Variants in CAMK2D observed in about 807,000 individuals in gnomAD.
CAMK2D encodes the protein calcium/calmodulin-dependent protein kinase type II subunit delta.
A neutral mutation model predicts 84.0 loss-of-function variants in CAMK2D; 37 were observed. The observed-to-expected ratio is 0.44, with a 90% CI of 0.34 to 0.58. The LOEUF (loss-of-function observed/expected upper bound fraction) is 0.58, where lower values mean the gene tolerates loss of function less well. Ranked by LOEUF, CAMK2D falls within the 20% of genes least tolerant of loss-of-function variation. CAMK2D has a pLI of 0.02. For synonymous variants in CAMK2D, 202 were observed against 212.5 expected (o/e 0.95, Z 0.43); for missense variants, 448 against 652.5 (o/e 0.69, Z 3.41).
intron 17 of CAMK2D, among the ~76,000 whole-genome samples, chr4:113,464,006 T>TA (rs2097425715): frequency 6.6e-6 from 1 of 152,218 alleles, no homozygotes; most frequent in African/African-American, 2.4e-5. Context: ...TTCAGGTATA[T>TA]AATAACAGAT....
intron 19 of CAMK2D, 182 bp downstream of exon 19, chr4:113,457,153 A>G (rs2097312618): frequency 2.0e-5 from 29 of 1,428,770 alleles, no homozygotes; most frequent in Non-Finnish European, 2.6e-5. Context: ...CAACCCACAA[A>G]TGGCTGATCT....
intron 6 of CAMK2D, among the ~76,000 whole-genome samples, chr4:113,542,747 C>T (rs1043292637): frequency 6.6e-6 from 1 of 151,946 alleles, no homozygotes; most frequent in African/African-American, 2.4e-5. Context: ...AAGTACTTCT[C>T]ATCTCCCCCC....
At chr4:113,552,121 C>G in intron 4 of CAMK2D, 25 bp from the exon 5 acceptor site, 1 of 1,400,170 alleles carries the variant, frequency 7.1e-7, no homozygotes, top group African/African-American at 1.4e-5. Flanking sequence ...AACATAATCA[C>G]TTTTAAAAAG....
Position 113,465,569 on chromosome 4 carries a change from G to A in CAMK2D, c.1171C>T (p.Leu391=). ...TCCCCATTGTTGATAGCTTCGATCA[G>A]TTGTTCAGTGACTTTGATAATCTCT... ...KQEIIKVTEQ[L]IEAINNGDFE... is the part of the protein sequence containing the mutation. The change falls in exon 17 of 21, where the codon CTG becomes TTG. Residue 391 remains leucine, a synonymous_variant. Coordinates refer to ENST00000511664, the MANE Select transcript of CAMK2D (RefSeq NM_001321571.2). The A allele has an allele frequency of 6.2e-7, 1 of 1,613,064 alleles. No individual in the cohort carries two copies. Among genetic ancestry groups the A allele is most frequent in the Non-Finnish European group, 8.5e-7 (1 of 1,179,100 alleles).
intron 2 of CAMK2D, among the ~76,000 whole-genome samples, chr4:113,727,144 T>C (rs780222179): frequency 1.3e-5 from 2 of 152,156 alleles, no homozygotes; most frequent in Non-Finnish European, 2.9e-5. Flanking sequence ...TCCATATTAA[T>C]AGGTTCATTC....
intron 6 of CAMK2D, among the ~76,000 whole-genome samples, chr4:113,542,119 G>A (rs1183108486): frequency 6.6e-6 from 1 of 152,166 alleles, no homozygotes; most frequent in Non-Finnish European, 1.5e-5. Flanking sequence ...AGCACACACT[G>A]CTGGGTAGAC....
intron 8 of CAMK2D, among the ~76,000 whole-genome samples, chr4:113,520,621 CT>C (rs200624088): frequency 6.6e-6 from 1 of 151,550 alleles, no homozygotes; most frequent in South Asian, 2.1e-4. Flanking sequence ...ATGAAGAAGT[CT>C]TTTTTTTGCG....
rs2098593165 is a variant in CAMK2D, at chr4:113,547,718, TG to T, written c.342-3del. On this transcript the variant is annotated splice_region_variant and splice_polypyrimidine_tract_variant and intron_variant, in intron 5 of 20. Transcript: ENST00000511664. The stretch of plus-strand genomic sequence containing the variant: ...TCCAGGATCTGCTGAATGCAATGAC[TG>T]CATGCAAACACCAGGGGGCGTGTGT... 3.2e-6 allele frequency: 5 copies of T among 1,546,948 alleles called. No homozygotes were observed. The highest frequency in any genetic ancestry group is 4.3e-6 in the Non-Finnish European group (5 of 1,151,236).
At position 113,590,552 on chromosome 4, in the gene CAMK2D, C is replaced by T. The variant is rs184426237; in HGVS notation, c.275+18600G>A. On this transcript the variant is annotated intron_variant, in intron 4 of 20. Coordinates refer to ENST00000511664, the MANE Select transcript of CAMK2D (RefSeq NM_001321571.2). ...TTTCATTAACACGTCTATCACTACA[C>T]GAGAACAGCAAAGAAGAAAGATGAA... Among the ~76,000 whole-genome samples, 37 of 152,200 alleles carry T rather than the reference C, an allele frequency of 2.4e-4. No individual in the cohort carries two copies. In the East Asian group the frequency reaches 3.7e-3, roughly 15 times the overall value.
chr4:113,618,684 A>T (rs1447989486), intron 3 of CAMK2D, among the ~76,000 whole-genome samples: 5 of 152,188 alleles, frequency 3.3e-5, no homozygotes, highest in Admixed American at 6.6e-5. Flanking sequence ...CACTTAAAAT[A>T]TCAGTTTATT....
At chr4:113,659,390 A>G (rs1211494537) in intron 3 of CAMK2D, among the ~76,000 whole-genome samples, 1 of 152,174 alleles carries the variant, frequency 6.6e-6, no homozygotes, top group Non-Finnish European at 1.5e-5. Context: ...CCAAATTCCT[A>G]TGTTGATATG....
chr4:113,593,007 C>T (rs1042763185), intron 4 of CAMK2D, among the ~76,000 whole-genome samples: 2 of 152,224 alleles, frequency 1.3e-5, no homozygotes, highest in South Asian at 2.1e-4. Flanking sequence ...GTGTGTGCCA[C>T]CATGCCTGGC....
chr4:113,565,586 G>T (rs2154215619), intron 4 of CAMK2D, among the ~76,000 whole-genome samples: 1 of 151,648 alleles, frequency 6.6e-6, no homozygotes, highest in East Asian at 1.9e-4. Context: ...GGGAGGCAGA[G>T]GTTGCAGTGA....
intron 2 of CAMK2D, among the ~76,000 whole-genome samples, chr4:113,732,405 G>C (rs962187025): frequency 6.6e-6 from 1 of 152,080 alleles, no homozygotes; most frequent in Non-Finnish European, 1.5e-5. Context: ...TTACAGGTGT[G>C]AGCCACCGTG....
intron 2 of CAMK2D, among the ~76,000 whole-genome samples, chr4:113,672,139 C>G (rs1298915544): frequency 6.6e-6 from 1 of 152,102 alleles, no homozygotes; most frequent in Non-Finnish European, 1.5e-5. Flanking sequence ...ATAATATTAA[C>G]TTTCTTCTTT....
intron 13 of CAMK2D, among the ~76,000 whole-genome samples, chr4:113,508,542 T>TAACA (rs2098163536): frequency 6.6e-6 from 1 of 152,188 alleles, no homozygotes; most frequent in African/African-American, 2.4e-5. Context: ...TCTACTATTG[T>TAACA]AACATTGGGA....
chr4:113,651,629 A>C (rs1326535598), intron 3 of CAMK2D, among the ~76,000 whole-genome samples: 2 of 152,196 alleles, frequency 1.3e-5, no homozygotes, highest in Non-Finnish European at 2.9e-5. Context: ...TCACATTACT[A>C]TCTGGTCCTG....
intron 2 of CAMK2D, among the ~76,000 whole-genome samples, chr4:113,663,580 C>G (rs1285057858): frequency 8.1e-6 from 1 of 124,212 alleles, no homozygotes; most frequent in African/African-American, 4.0e-5. Flanking sequence ...CAGCGGGAGG[C>G]TCTGTCTAAA....
chr4:113,653,242 C>T (rs116343180), intron 3 of CAMK2D, among the ~76,000 whole-genome samples: 1,643 of 151,978 alleles, frequency 0.011, 38 homozygotes, highest in African/African-American at 0.036. Context: ...AAAAATATAT[C>T]GCTGTGCTAG....
Sources: allele counts gnomAD v4.1 joint callset (sites outside exome capture counted in the v4.1 genomes callset), GRCh38; gene constraint gnomAD v4.1.1; transcripts MANE v1.5; gene names NCBI Gene and HGNC (gene_info 2026-07-23, HGNC 2026-07-21).